AK8: variants seen among roughly 807,000 people sequenced by gnomAD.
AK8 encodes the protein adenylate kinase 8, also known as ATP-AMP transphosphorylase 8.
Under a neutral mutation model 54.6 loss-of-function variants are expected in AK8, and 44 were observed. That is an observed-to-expected ratio of 0.81 (90% CI 0.63 to 1.04). The LOEUF is 1.04. Among genes scored for constraint, AK8 ranks in the 50% least tolerant of loss-of-function variants. AK8 has a pLI of 0.00. For missense variants in AK8, 555 were observed against 613.6 expected (o/e 0.90, Z 1.01); for synonymous variants, 239 against 245.6 (o/e 0.97, Z 0.25).
chr9:132,840,314 C>T (rs892970400), intron 5 of AK8, among the ~76,000 whole-genome samples: 4 of 152,078 alleles, frequency 2.6e-5, no homozygotes, highest in Non-Finnish European at 4.4e-5. Context: ...GAGCATCTCA[C>T]GTGCTTGGCT....
chr9:132,877,809 G>A, intron 1 of AK8: 1 of 521,590 alleles, frequency 1.9e-6, no homozygotes, highest in East Asian at 5.0e-5. Context: ...TCAGCGCCGG[G>A]AGAGCCCCTG....
At chr9:132,741,472 G>GC (rs1482890600) in intron 11 of AK8, among the ~76,000 whole-genome samples, 1 of 152,130 alleles carries the variant, frequency 6.6e-6, no homozygotes, top group East Asian at 1.9e-4. Context: ...GTCAGCAACA[G>GC]CCCCCCAAAA....
chr9:132,838,967 C>G (rs891973402), intron 5 of AK8, among the ~76,000 whole-genome samples: 2 of 151,978 alleles, frequency 1.3e-5, no homozygotes, highest in Non-Finnish European at 2.9e-5. Context: ...TTGTTGAGAC[C>G]GAGTCTCCAA....
Position 132,863,911 on chromosome 9 carries a change from T to C in AK8, c.220-133A>G, listed in dbSNP as rs1229717368. 5 of 700,720 alleles carry C rather than the reference T, an allele frequency of 7.1e-6. No individual in the cohort carries two copies. In the African/African-American group the frequency reaches 9.0e-5, roughly 13 times the overall value. The allele number at this position is 700,720 out of a possible 1,614,324, so 43.4% of individuals were successfully genotyped here. A position where few individuals can be genotyped will look rare whatever the true frequency, so the allele number is the denominator to read the frequency against. On this transcript the variant is annotated intron_variant, in intron 3 of 12. Coordinates refer to ENST00000298545, the MANE Select transcript of AK8 (RefSeq NM_152572.3). Reference sequence around the variant, plus strand: ...ATGGGGAAGCACAATTATTTCCAGCTGGAGGACGGCCACCAAGGGAGACCC... The same window carrying C: ...ATGGGGAAGCACAATTATTTCCAGCCGGAGGACGGCCACCAAGGGAGACCC...
At chr9:132,854,995 C>T in intron 4 of AK8, 70 bp from the exon 5 acceptor site, 14 of 1,523,998 alleles carry the variant, frequency 9.2e-6, no homozygotes, top group Non-Finnish European at 9.1e-6. Context: ...CAGACCAGCA[C>T]ACACCCTTCA....
intron 11 of AK8, among the ~76,000 whole-genome samples, chr9:132,762,027 A>G (rs1027641761): frequency 3.3e-5 from 5 of 151,966 alleles, no homozygotes; most frequent in Non-Finnish European, 7.4e-5. Context: ...ATGCCACCAT[A>G]CCTGGCTAAT....
chr9:132,737,555 T>C (rs1236730062), intron 11 of AK8, among the ~76,000 whole-genome samples: 1 of 152,234 alleles, frequency 6.6e-6, no homozygotes, highest in Non-Finnish European at 1.5e-5. Flanking sequence ...GGATTCAGCC[T>C]GTGAATGGAA....
In AK8 at chr9:132,826,842, G is replaced by C; in HGVS notation, c.757+12C>G. 5 of 1,613,986 alleles carry C rather than the reference G, an allele frequency of 3.1e-6. No homozygotes were observed. The highest frequency in any genetic ancestry group is 4.2e-6 in the Non-Finnish European group (5 of 1,179,812). ...CCGTCTGTCCAGGGTGGGGCTGCCTGCTTGTGTTTACCCTGGTAGAAGACG... is the reference window on the plus strand; with the variant it reads ...CCGTCTGTCCAGGGTGGGGCTGCCTCCTTGTGTTTACCCTGGTAGAAGACG... On this transcript the variant is annotated intron_variant, in intron 8 of 12. Coordinates refer to ENST00000298545, the MANE Select transcript of AK8 (RefSeq NM_152572.3). The surrounding 1 kb of genome is among the most constrained non-coding windows in gnomAD (Gnocchi z 4.5).
chr9:132,828,726 C>A lies in AK8; in HGVS notation c.403G>T (p.Gly135Cys), dbSNP rs1443830612. 6.2e-7 allele frequency: 1 copy of A among 1,605,620 alleles called. No homozygotes were observed. Among genetic ancestry groups the A allele is most frequent in the Non-Finnish European group, 8.5e-7 (1 of 1,174,150 alleles). The change falls in exon 6 of 13, where the codon GGC (glycine) becomes TGC (cysteine). Residue 135 changes from glycine to cysteine, a missense_variant and splice_region_variant. Coordinates refer to ENST00000298545, the MANE Select transcript of AK8 (RefSeq NM_152572.3). ...RLAEEDCIKQ[G>C]WILDGIPETR... ...TCAGGGATGCCATCCAGAATCCAGCCCTAGACAGAAGATTCAGAGAGGTGC... is the reference window on the plus strand; with the variant it reads ...TCAGGGATGCCATCCAGAATCCAGCACTAGACAGAAGATTCAGAGAGGTGC...
chr9:132,830,609 G>A (rs1842068853), intron 5 of AK8, among the ~76,000 whole-genome samples: 1 of 152,008 alleles, frequency 6.6e-6, no homozygotes, highest in Non-Finnish European at 1.5e-5. Flanking sequence ...TCCCCTTGGG[G>A]TCGCATCCTT....
chr9:132,791,406 C>T lies in AK8; in HGVS notation c.1121+1228G>A, dbSNP rs1839942048. On this transcript the variant is annotated intron_variant, in intron 11 of 12. Coordinates refer to ENST00000298545, the MANE Select transcript of AK8 (RefSeq NM_152572.3). This position sits in a 1 kb window ranked among gnomAD's most constrained non-coding sequence, Gnocchi z 4.0. ...TCAAGATGAGATTTGGGTGGGAACA[C>T]AGAGCCAAACCATATCACAGATCAA... is the stretch of plus-strand genomic sequence containing the variant. Among the ~76,000 whole-genome samples the T allele has an allele frequency of 6.6e-6, 1 of 152,172 alleles. No individual in the cohort carries two copies. Among genetic ancestry groups the T allele is most frequent in the Non-Finnish European group, 1.5e-5 (1 of 68,038 alleles).
At chr9:132,760,151 T>C (rs1838384015) in intron 11 of AK8, among the ~76,000 whole-genome samples, 1 of 152,196 alleles carries the variant, frequency 6.6e-6, no homozygotes, top group South Asian at 2.1e-4. Flanking sequence ...ATTGTGTTTA[T>C]TTCAGTGTAC....
intron 11 of AK8, among the ~76,000 whole-genome samples, chr9:132,760,104 T>C (rs893235542): frequency 3.3e-5 from 5 of 152,206 alleles, no homozygotes; most frequent in African/African-American, 1.2e-4. Flanking sequence ...TTAATAAACT[T>C]ACACAGTTTT....
intron 5 of AK8, among the ~76,000 whole-genome samples, chr9:132,850,806 T>G (rs1167635623): frequency 1.3e-5 from 2 of 151,902 alleles, no homozygotes; most frequent in African/African-American, 4.8e-5. Flanking sequence ...AGTGCTGGGA[T>G]TACAGGTGTG....
At position 132,799,750 on chromosome 9, in the gene AK8, C is replaced by T. The variant is rs1484826311; in HGVS notation, c.980-6975G>A. On this transcript the variant is annotated intron_variant, in intron 10 of 12. Transcript: ENST00000298545. This position sits in a 1 kb window ranked among gnomAD's most constrained non-coding sequence, Gnocchi z 5.0. Reference sequence around the variant, plus strand: ...CAAACACACCTACATACCTACACCGCACCCACACTGCCTCTCCTCATCCCT... The same window carrying T: ...CAAACACACCTACATACCTACACCGTACCCACACTGCCTCTCCTCATCCCT... 6.6e-6 allele frequency among the ~76,000 whole-genome samples: 1 copy of T among 152,172 alleles called. No homozygotes were observed. Among genetic ancestry groups the T allele is most frequent in the African/African-American group, 2.4e-5 (1 of 41,438 alleles).
intron 9 of AK8, among the ~76,000 whole-genome samples, chr9:132,818,462 G>A (rs1013916877): frequency 1.3e-5 from 2 of 152,112 alleles, no homozygotes; most frequent in Non-Finnish European, 2.9e-5. Flanking sequence ...CTACTGCTGC[G>A]AGGCTCTGAT....
At chr9:132,857,061 C>T (rs930775191) in intron 4 of AK8, among the ~76,000 whole-genome samples, 1 of 152,090 alleles carries the variant, frequency 6.6e-6, no homozygotes, top group African/African-American at 2.4e-5. Flanking sequence ...ACCAGAGAGG[C>T]AAGAAGGAGG....
intron 4 of AK8, among the ~76,000 whole-genome samples, chr9:132,856,925 A>C (rs760538332): frequency 2.6e-5 from 4 of 152,100 alleles, no homozygotes; most frequent in African/African-American, 9.7e-5. Flanking sequence ...AACTGGATGA[A>C]TATGTTCACT....
chr9:132,798,701 T>G lies in AK8; in HGVS notation c.980-5926A>C, dbSNP rs540783166. Among the ~76,000 whole-genome samples the G allele has an allele frequency of 3.3e-5, 5 of 152,240 alleles. No homozygotes were observed. In the South Asian group the frequency reaches 8.3e-4, roughly 25 times the overall value. ...CATGGTTTCGTTTGTTTTTTTTTTT[T>G]TTTTTCTCAAGATCTTCCATAAAAG... On this transcript the variant is annotated intron_variant, in intron 10 of 12. Transcript: ENST00000298545.
Sources: allele counts gnomAD v4.1 joint callset (sites outside exome capture counted in the v4.1 genomes callset), GRCh38; gene constraint gnomAD v4.1.1; non-coding constraint Gnocchi (gnomAD v3.1); transcripts MANE v1.5; gene names NCBI Gene and HGNC (gene_info 2026-07-23, HGNC 2026-07-21).